The following PPIAL4E variants were observed in gnomAD, a reference collection of about 807,000 sequenced individuals.
The protein encoded by PPIAL4E is peptidyl-prolyl cis-trans isomerase A-like 4E.
In PPIAL4E at chr1:144,373,529, C is replaced by T; in HGVS notation, c.56G>A (p.Arg19His). 6.6e-4 allele frequency: 1 copy of T among 1,522 alleles called. No homozygotes were observed. Among genetic ancestry groups the T allele is most frequent in the Non-Finnish European group, 1.0e-3 (1 of 958 alleles). 0.1% of individuals were successfully genotyped at this position (1,522 alleles called of 1,614,324 possible). A position where few individuals can be genotyped will look rare whatever the true frequency, so the allele number is the denominator to read the frequency against. ...EITRDGKPLG[R>H]ISIKLFADKI... ...GTCTGCAAACAGTTTGATGGAGATG[C>T]GGCCCAAGGGCTTGCCATCCCTGGT... Residue 19 changes from arginine to histidine, a missense_variant, in exon 1 of 1, where the codon CGC (arginine) becomes CAC (histidine). Coordinates refer to ENST00000581164, the MANE Select transcript of PPIAL4E (RefSeq NM_001144032.3).
In PPIAL4E at chr1:144,373,466, C is replaced by T. The variant is rs201657622; in HGVS notation, c.119G>A (p.Ser40Asn). Residue 40 changes from serine to asparagine, a missense_variant, in exon 1 of 1, where the codon AGC (serine) becomes AAC (asparagine). By Grantham distance (46) the Ser-to-Asn change is conservative. Coordinates refer to ENST00000581164, the MANE Select transcript of PPIAL4E (RefSeq NM_001144032.3). ...ATAACGAAATCCTTTCTCTCCAGTG[C>T]TCAGAGCACGAAAGTTTTCTGCTGT... ...PKTAENFRALSTGEKGFRYKG... is the reference protein window; with the variant it reads ...PKTAENFRALNTGEKGFRYKG... 3 of 2,006 alleles carry T rather than the reference C, an allele frequency of 1.5e-3. No homozygotes were observed. Among genetic ancestry groups the T allele is most frequent in the Non-Finnish European group, 2.5e-3 (3 of 1,198 alleles). The allele number at this position is 2,006 out of a possible 1,614,324, so 0.1% of individuals were successfully genotyped here.
Sources: allele counts gnomAD v4.1 joint callset, GRCh38; gene constraint gnomAD v4.1.1; transcripts MANE v1.5; gene names NCBI Gene and HGNC (gene_info 2026-07-23, HGNC 2026-07-21).